PRKN: variants seen among roughly 807,000 people sequenced by gnomAD.
PRKN encodes parkin RBR E3 ubiquitin protein ligase.
A neutral mutation model predicts 59.5 loss-of-function variants in PRKN; 56 were observed. The ratio of observed to expected loss-of-function variants is 0.94; its 90% CI spans 0.76 to 1.18. The LOEUF is 1.18. PRKN is among the 50% of genes most tolerant of loss of function. The probability of loss-of-function intolerance (pLI) is 0.00; values close to 1 mark genes in which losing one functional copy is unlikely to be tolerated. For synonymous variants in PRKN, 250 were observed against 222.1 expected (o/e 1.13, Z -1.12); for missense variants, 657 against 596.4 (o/e 1.10, Z -1.06).
rs117602341 is a variant in PRKN, at chr6:161,999,545, T to C, written c.619-26128A>G. On this transcript the variant is annotated intron_variant, in intron 5 of 11. Transcript: ENST00000366898. ...TTATGCAATGGCATTCATTTTGCAT[T>C]TTCTATGTGCTAAGCAATGTGCGAG... 2.3e-3 allele frequency among the ~76,000 whole-genome samples: 353 copies of C among 152,246 alleles called. 12 individuals are homozygous for C. The East Asian group carries it at 0.055, about 24-fold the overall frequency.
intron 7 of PRKN, among the ~76,000 whole-genome samples, chr6:161,750,341 T>A (rs562170367): frequency 1.2e-3 from 179 of 152,272 alleles, no homozygotes; most frequent in Non-Finnish European, 2.1e-3. Context: ...TGCTGGAACT[T>A]CTAATTGACA....
intron 1 of PRKN, among the ~76,000 whole-genome samples, chr6:162,450,951 G>A (rs1199748717): frequency 1.3e-5 from 2 of 152,162 alleles, no homozygotes; most frequent in East Asian, 3.9e-4. Context: ...GGGAAACTGG[G>A]TGTGGGGTAC....
At chr6:162,123,881 A>C (rs1781017940) in intron 4 of PRKN, among the ~76,000 whole-genome samples, 1 of 152,152 alleles carries the variant, frequency 6.6e-6, no homozygotes, top group Admixed American at 6.6e-5. Flanking sequence ...AAATTACTCA[A>C]AACTCTTAAC....
In PRKN at chr6:161,757,841, C is replaced by CCCTG. The variant is rs1232325985; in HGVS notation, c.871+27930_871+27931insCAGG. ...CAATAGAGCAAAACTCCATCTCTCTCTCTCTCTCTCTCTCTCTCTCTCTCT... is the reference window on the plus strand; with the variant it reads ...CAATAGAGCAAAACTCCATCTCTCTCCCTGTCTCTCTCTCTCTCTCTCTCTCTCT... On this transcript the variant is annotated intron_variant, in intron 7 of 11. Coordinates refer to ENST00000366898, the MANE Select transcript of PRKN (RefSeq NM_004562.3). Among the ~76,000 whole-genome samples the CCCTG allele has an allele frequency of 6.6e-3, 542 of 81,560 alleles. 11 individuals are homozygous for CCCTG. Among genetic ancestry groups the CCCTG allele is most frequent in the Admixed American group, 6.9e-3 (51 of 7,382 alleles). 53.5% of individuals were successfully genotyped at this position (81,560 alleles called of 152,430 possible). A position where few individuals can be genotyped will look rare whatever the true frequency, so the allele number is the denominator to read the frequency against.
intron 1 of PRKN, among the ~76,000 whole-genome samples, chr6:162,581,617 C>G (rs1780795407): frequency 6.6e-6 from 1 of 152,118 alleles, no homozygotes; most frequent in Non-Finnish European, 1.5e-5. Context: ...AAAAATTAAC[C>G]AGGCGTAGTG....
chr6:161,385,919 T>C lies in PRKN; in HGVS notation c.1167+875A>G, dbSNP rs1383033282. Among the ~76,000 whole-genome samples, 1 of 152,246 alleles carries C rather than the reference T, an allele frequency of 6.6e-6. No homozygotes were observed. The highest frequency in any genetic ancestry group is 1.5e-5 in the Non-Finnish European group (1 of 68,036). The stretch of plus-strand genomic sequence containing the variant: ...AGAAGACCCAAATTCACCAGTTCTA[T>C]TTATTTAGTTATGCTAATATTGGAT... On this transcript the variant is annotated intron_variant, in intron 10 of 11. Coordinates refer to ENST00000366898, the MANE Select transcript of PRKN (RefSeq NM_004562.3). This position sits in a 1 kb window ranked among gnomAD's most constrained non-coding sequence, Gnocchi z 4.9.
rs139261258 is a variant in PRKN at position 161,473,926 on chromosome 6, G to A, written c.1083+74928C>T. 9.7e-3 allele frequency among the ~76,000 whole-genome samples: 1,477 copies of A among 152,278 alleles called. 20 individuals are homozygous for A. The highest frequency in any genetic ancestry group is 0.024 in the Middle Eastern group (7 of 294). ...ATCGCTAGGATGGAGGGCATGACTT[G>A]TGTATGTAGACTAGCGGGTTTTCTA... On this transcript the variant is annotated intron_variant, in intron 9 of 11. Transcript: ENST00000366898. This position sits in a 1 kb window ranked among gnomAD's most constrained non-coding sequence, Gnocchi z 4.1.
chr6:162,369,690 G>C (rs968478680), intron 2 of PRKN, among the ~76,000 whole-genome samples: 1 of 152,188 alleles, frequency 6.6e-6, no homozygotes, highest in Non-Finnish European at 1.5e-5. Context: ...CCAGGGCAGA[G>C]ATCACTGGCA....
intron 2 of PRKN, among the ~76,000 whole-genome samples, chr6:162,413,024 T>A (rs1000770132): frequency 6.6e-6 from 1 of 152,188 alleles, no homozygotes; most frequent in African/African-American, 2.4e-5. Flanking sequence ...CCTGATACCA[T>A]GAAAACATGA....
At chr6:162,081,676 G>A (rs947948627) in intron 4 of PRKN, among the ~76,000 whole-genome samples, 1 of 152,078 alleles carries the variant, frequency 6.6e-6, no homozygotes, top group African/African-American at 2.4e-5. Context: ...TGGTAAATGA[G>A]TATTGTCTTC....
chr6:161,845,606 A>T (rs2128221425), intron 6 of PRKN, among the ~76,000 whole-genome samples: 1 of 152,298 alleles, frequency 6.6e-6, no homozygotes, highest in Non-Finnish European at 1.5e-5. Flanking sequence ...TTCATGAATA[A>T]TGATGAGAAA....
chr6:161,878,094 C>T (rs1298528160), intron 6 of PRKN, among the ~76,000 whole-genome samples: 8 of 152,104 alleles, frequency 5.3e-5, no homozygotes, highest in East Asian at 1.9e-4. Context: ...TCTACACAGT[C>T]GGCTGGAGGG....
chr6:161,355,239 A>G lies in PRKN; in HGVS notation c.1285+4849T>C, dbSNP rs1265775878. On this transcript the variant is annotated intron_variant, in intron 11 of 11. Coordinates refer to ENST00000366898, the MANE Select transcript of PRKN (RefSeq NM_004562.3). The surrounding 1 kb of genome is among the most constrained non-coding windows in gnomAD (Gnocchi z 6.8). ...TCCTGCTCTTCCTTGCCTTGCTCAT[A>G]TCTGCTCATTCTTCAATTCTTGGCT... Among the ~76,000 whole-genome samples the G allele has an allele frequency of 1.2e-4, 18 of 152,110 alleles. No homozygotes were observed. The highest frequency in any genetic ancestry group is 1.1e-3 in the Admixed American group (17 of 15,272).
At chr6:161,614,667 A>G (rs1306918651) in intron 7 of PRKN, among the ~76,000 whole-genome samples, 1 of 152,266 alleles carries the variant, frequency 6.6e-6, no homozygotes, top group Non-Finnish European at 1.5e-5. Context: ...ATATATGTAT[A>G]GACACTACAG....
intron 6 of PRKN, among the ~76,000 whole-genome samples, chr6:161,854,940 G>C (rs1387080095): frequency 6.6e-6 from 1 of 151,814 alleles, no homozygotes. Context: ...AAAATTCGCT[G>C]GGCAGGGTGG....
At chr6:162,296,857 A>G (rs1157085057) in intron 2 of PRKN, among the ~76,000 whole-genome samples, 1 of 152,184 alleles carries the variant, frequency 6.6e-6, no homozygotes, top group Non-Finnish European at 1.5e-5. Context: ...TAACTAGAAA[A>G]AAGCATCGTT....
chr6:161,358,788 C>CTTTTTTTTT (rs34428983), intron 11 of PRKN, among the ~76,000 whole-genome samples: 15 of 67,816 alleles, frequency 2.2e-4, no homozygotes, highest in Non-Finnish European at 2.6e-4. Flanking sequence ...GCCTTCTGCT[C>CTTTTTTTTT]TTTTTTTTTT....
intron 4 of PRKN, among the ~76,000 whole-genome samples, chr6:162,075,926 T>G (rs1778804942): frequency 6.6e-6 from 1 of 151,134 alleles, no homozygotes; most frequent in African/African-American, 2.4e-5. Context: ...TGCCCCTTAC[T>G]GTCCTGGGGT....
intron 4 of PRKN, among the ~76,000 whole-genome samples, chr6:162,114,018 T>C (rs1234595370): frequency 6.6e-6 from 1 of 151,700 alleles, no homozygotes; most frequent in African/African-American, 2.4e-5. Context: ...AAAGATCAGA[T>C]AGTTGTAGAT....
Sources: allele counts gnomAD v4.1 joint callset (sites outside exome capture counted in the v4.1 genomes callset), GRCh38; gene constraint gnomAD v4.1.1; non-coding constraint Gnocchi (gnomAD v3.1); transcripts MANE v1.5; gene names NCBI Gene and HGNC (gene_info 2026-07-23, HGNC 2026-07-21).